FAM98B: variants seen among roughly 807,000 people sequenced by gnomAD.
The protein encoded by FAM98B is tRNA splicing ligase complex subunit 3B, also known as tRNA-splicing ligase complex subunit FAM98B.
Under a neutral mutation model 43.9 loss-of-function variants are expected in FAM98B, and 32 were observed. The ratio of observed to expected loss-of-function variants is 0.73; its 90% CI spans 0.55 to 0.98. The LOEUF is 0.98. Among genes scored for constraint, FAM98B ranks in the 50% least tolerant of loss-of-function variants. The pLI is 0.00. For synonymous variants in FAM98B, 190 were observed against 174.0 expected (o/e 1.09, Z -0.72); for missense variants, 514 against 522.9 (o/e 0.98, Z 0.17).
chr15:38,484,865 C>G lies in FAM98B; in HGVS notation c.*206C>G. ...ATGAAGTGATGACTTTTTCCATATT[C>G]TGTGTACCCTTGAGCATGTTGTGTC... On this transcript the variant is annotated 3_prime_UTR_variant, in exon 8 of 8. Transcript: ENST00000397609. The G allele has an allele frequency of 1.4e-6, 1 of 694,834 alleles. No individual in the cohort carries two copies. The highest frequency in any genetic ancestry group is 2.1e-6 in the Non-Finnish European group (1 of 480,368). 43.0% of individuals were successfully genotyped at this position (694,834 alleles called of 1,614,324 possible). A position where few individuals can be genotyped will look rare whatever the true frequency, so the allele number is the denominator to read the frequency against.
At chr15:38,460,856 A>G (rs930349718) in intron 1 of FAM98B, among the ~76,000 whole-genome samples, 1 of 152,212 alleles carries the variant, frequency 6.6e-6, no homozygotes, top group African/African-American at 2.4e-5. Flanking sequence ...TGAAGCTAAT[A>G]ATAGTATCTA....
chr15:38,469,060 C>G (rs1890083438), intron 3 of FAM98B, among the ~76,000 whole-genome samples: 1 of 152,130 alleles, frequency 6.6e-6, no homozygotes, highest in Non-Finnish European at 1.5e-5. Context: ...CGCATGCTGC[C>G]ATGCCTGGCT....
In FAM98B at chr15:38,481,424, A is replaced by G; in HGVS notation, c.862A>G (p.Thr288Ala). Residue 288 changes from threonine (T) to alanine (A), a missense_variant, in exon 7 of 8, where the codon ACC becomes GCC. Thr to Ala is a moderately conservative substitution (Grantham distance 58). Transcript: ENST00000397609. Reference sequence around the variant, plus strand: ...CAAGATCATTAGGACAAGTAGTGGCACCAGCCGGGAGAAGACCGCATGTGC... The same window carrying G: ...CAAGATCATTAGGACAAGTAGTGGCGCCAGCCGGGAGAAGACCGCATGTGC... Reference protein sequence around the residue: ...LSKIIRTSSGTSREKTACAIN... With the variant: ...LSKIIRTSSGASREKTACAIN... 1.2e-6 allele frequency: 2 copies of G among 1,614,204 alleles called. No individual in the cohort carries two copies. Among genetic ancestry groups the G allele is most frequent in the Non-Finnish European group, 1.7e-6 (2 of 1,180,018 alleles).
chr15:38,481,941 T>C (rs1429619790), intron 7 of FAM98B: 3 of 210,650 alleles, frequency 1.4e-5, no homozygotes, highest in African/African-American at 6.9e-5. Context: ...ATTTGGAGTA[T>C]ACATCCATTT....
At chr15:38,474,342 A>G (rs1013977547) in intron 6 of FAM98B, 44 bp downstream of exon 6, 1 of 1,343,682 alleles carries the variant, frequency 7.4e-7, no homozygotes, top group African/African-American at 1.4e-5. Context: ...GGTAGCCTAT[A>G]ACAGCTCTTC....
In FAM98B at chr15:38,470,305, G is replaced by A. The variant is rs371845923; in HGVS notation, c.431G>A (p.Ser144Asn). 3.1e-6 allele frequency: 5 copies of A among 1,601,468 alleles called. No individual in the cohort carries two copies. The highest frequency in any genetic ancestry group is 1.3e-5 in the African/African-American group (1 of 74,390). Residue 144 changes from serine to asparagine, a missense_variant, in exon 4 of 8, where the codon AGT becomes AAT. Ser to Asn is a conservative substitution (Grantham distance 46). Coordinates refer to ENST00000397609, the MANE Select transcript of FAM98B (RefSeq NM_173611.4). ...AAAAATTCTCAATTAGATAAAAATAGTGAAGTTTATCAGGAAGTTCAAGCT... is the reference window on the plus strand; with the variant it reads ...AAAAATTCTCAATTAGATAAAAATAATGAAGTTTATCAGGAAGTTCAAGCT... ...KHKNSQLDKN[S>N]EVYQEVQAMF...
chr15:38,484,482 G>A lies in FAM98B; in HGVS notation c.1125G>A (p.Gly375=). 1 of 954,492 alleles carries A rather than the reference G, an allele frequency of 1.0e-6. No individual in the cohort carries two copies. The highest frequency in any genetic ancestry group is 1.3e-6 in the Non-Finnish European group (1 of 770,442). 59.1% of individuals were successfully genotyped at this position (954,492 alleles called of 1,614,324 possible). A position where few individuals can be genotyped will look rare whatever the true frequency, so the allele number is the denominator to read the frequency against. Residue 375 remains glycine (G), a synonymous_variant, in exon 8 of 8, where the codon GGG becomes GGA. Transcript: ENST00000397609. ...GAGGTGGTGGGGGAGGGGGAGGAGG[G>A]TGGGGGGGAGGAGGAGGAGGTGGTA... ...GWGGGGGGGG[G]WGGGGGGGRG...
intron 6 of FAM98B, among the ~76,000 whole-genome samples, chr15:38,478,402 T>C (rs1414421647): frequency 1.3e-5 from 2 of 152,182 alleles, no homozygotes; most frequent in African/African-American, 4.8e-5. Flanking sequence ...TTTCAATTGA[T>C]TATATGATTA....
rs1890372898 is a variant in FAM98B at position 38,486,388 on chromosome 15, T to G, written c.*1729T>G. The G allele has an allele frequency of 6.6e-6, 1 of 152,214 alleles. No individual in the cohort carries two copies. The highest frequency in any genetic ancestry group is 6.5e-5 in the Admixed American group (1 of 15,282). The allele number at this position is 152,214 out of a possible 1,614,324, so 9.4% of individuals were successfully genotyped here. A position where few individuals can be genotyped will look rare whatever the true frequency, so the allele number is the denominator to read the frequency against. ...TACTTGAGTAAAATATTTCAAGAGT[T>G]GTTTAAAAATCTTCTTTAAAACCTT... is the stretch of plus-strand genomic sequence containing the variant. On this transcript the variant is annotated 3_prime_UTR_variant, in exon 8 of 8. Transcript: ENST00000397609.
chr15:38,467,239 A>T (rs1890049880), intron 3 of FAM98B, among the ~76,000 whole-genome samples: 1 of 152,188 alleles, frequency 6.6e-6, no homozygotes, highest in Non-Finnish European at 1.5e-5. Flanking sequence ...TGTTTTAATC[A>T]TATTGATATA....
At chr15:38,461,923 C>A (rs1395228045) in intron 1 of FAM98B, among the ~76,000 whole-genome samples, 1 of 151,900 alleles carries the variant, frequency 6.6e-6, no homozygotes, top group Non-Finnish European at 1.5e-5. Flanking sequence ...ACCCTTTGAC[C>A]CAACAGTCTC....
intron 6 of FAM98B, among the ~76,000 whole-genome samples, chr15:38,477,890 T>A (rs144583800): frequency 6.6e-6 from 1 of 152,320 alleles, no homozygotes; most frequent in East Asian, 1.9e-4. Flanking sequence ...ACATGATTGC[T>A]TACCTCAAGA....
chr15:38,483,931 T>C (rs898675591), intron 7 of FAM98B, among the ~76,000 whole-genome samples: 1 of 152,020 alleles, frequency 6.6e-6, no homozygotes, highest in Non-Finnish European at 1.5e-5. Flanking sequence ...CATATCCCTC[T>C]CAAACATTTA....
intron 6 of FAM98B, 100 bp downstream of exon 6, chr15:38,474,398 C>T: frequency 1.4e-6 from 1 of 719,664 alleles, no homozygotes; most frequent in East Asian, 2.5e-5. Flanking sequence ...TGTACTTCAT[C>T]ACCATCTCAA....
intron 6 of FAM98B, among the ~76,000 whole-genome samples, chr15:38,480,030 A>G (rs12442067): frequency 0.64 from 96,563 of 151,762 alleles, 30,930 homozygotes; most frequent in South Asian, 0.77. Context: ...TTTTCCTGTA[A>G]AATTCTGTTT....
chr15:38,477,923 TG>T (rs1162473124), intron 6 of FAM98B, among the ~76,000 whole-genome samples: 4 of 152,214 alleles, frequency 2.6e-5, no homozygotes, highest in African/African-American at 4.8e-5. Flanking sequence ...TTCAGATGTG[TG>T]GGAAGCACCA....
chr15:38,466,885 C>T (rs1890042114), intron 3 of FAM98B, among the ~76,000 whole-genome samples: 2 of 152,264 alleles, frequency 1.3e-5, no homozygotes, highest in South Asian at 2.1e-4. Flanking sequence ...CTCTCACACT[C>T]GCACTCACTC....
Position 38,479,647 on chromosome 15 carries a change from C to G in FAM98B, c.730-1645C>G, listed in dbSNP as rs140935951. The stretch of plus-strand genomic sequence containing the variant: ...TTTAGTGATTCAATAGTTTACTTCT[C>G]TTATTTTATACATTTTTTTCTATAT... On this transcript the variant is annotated intron_variant, in intron 6 of 7. Transcript: ENST00000397609. 3.2e-3 allele frequency among the ~76,000 whole-genome samples: 490 copies of G among 152,176 alleles called. 2 individuals carry two copies. The highest frequency in any genetic ancestry group is 0.011 in the African/African-American group (470 of 41,546).
At chr15:38,463,687 A>G (rs1889986461) in intron 1 of FAM98B, among the ~76,000 whole-genome samples, 2 of 152,014 alleles carry the variant, frequency 1.3e-5, no homozygotes, top group African/African-American at 2.4e-5. Context: ...TTTATGCTGT[A>G]TTTGACTTTG....
Sources: allele counts gnomAD v4.1 joint callset (sites outside exome capture counted in the v4.1 genomes callset), GRCh38; gene constraint gnomAD v4.1.1; transcripts MANE v1.5; gene names NCBI Gene and HGNC (gene_info 2026-07-23, HGNC 2026-07-21).